The following COL25A1 variants were observed in gnomAD, a reference collection of about 807,000 sequenced individuals.
COL25A1 encodes collagen alpha-1(XXV) chain.
COL25A1 carries 103 observed loss-of-function variants against 128.4 expected under a neutral mutation model. That is an observed-to-expected ratio of 0.80 (90% CI 0.68 to 0.94). The LOEUF is 0.94. Ranked by LOEUF, COL25A1 falls within the 40% of genes least tolerant of loss-of-function variation. The pLI is 0.00. For missense variants in COL25A1, 745 were observed against 840.0 expected (o/e 0.89, Z 1.40); for synonymous variants, 279 against 277.2 (o/e 1.01, Z -0.06).
At chr4:108,829,132 A>G (rs1732748742) in intron 32 of COL25A1, among the ~76,000 whole-genome samples, 1 of 152,214 alleles carries the variant, frequency 6.6e-6, no homozygotes, top group African/African-American at 2.4e-5. Flanking sequence ...TAAGAAGGGA[A>G]TTTCCTTAAT....
chr4:109,149,617 A>T (rs1254918736), intron 3 of COL25A1, among the ~76,000 whole-genome samples: 1 of 152,226 alleles, frequency 6.6e-6, no homozygotes, highest in Admixed American at 6.5e-5. Flanking sequence ...TGCGACATGT[A>T]AACGAGTCTA....
intron 18 of COL25A1, among the ~76,000 whole-genome samples, chr4:108,886,551 AG>A (rs1740853919): frequency 1.3e-5 from 2 of 149,236 alleles, no homozygotes; most frequent in African/African-American, 2.5e-5. Context: ...AATGTGCCCC[AG>A]GGAAGACAAA....
intron 3 of COL25A1, among the ~76,000 whole-genome samples, chr4:109,201,283 T>A (rs2126181437): frequency 6.6e-6 from 1 of 152,284 alleles, no homozygotes; most frequent in African/African-American, 2.4e-5. Flanking sequence ...ATTAAAAGAA[T>A]TATACTCCAC....
At chr4:108,882,113 G>A (rs1002330939) in intron 19 of COL25A1, among the ~76,000 whole-genome samples, 5 of 152,074 alleles carry the variant, frequency 3.3e-5, no homozygotes, top group Non-Finnish European at 4.4e-5. Flanking sequence ...GTGGCAAATC[G>A]TTTAACATCC....
At chr4:109,006,623 G>A (rs1389428506) in intron 6 of COL25A1, among the ~76,000 whole-genome samples, 1 of 151,894 alleles carries the variant, frequency 6.6e-6, no homozygotes, top group Non-Finnish European at 1.5e-5. Context: ...TTAATGTACA[G>A]TTTATGCAAA....
At chr4:109,131,482 G>A (rs1197230262) in intron 3 of COL25A1, among the ~76,000 whole-genome samples, 1 of 152,144 alleles carries the variant, frequency 6.6e-6, no homozygotes. Context: ...ATCATCTTTG[G>A]TAGGATATGT....
intron 3 of COL25A1, among the ~76,000 whole-genome samples, chr4:109,123,792 C>T: frequency 6.6e-6 from 1 of 151,928 alleles, no homozygotes; most frequent in South Asian, 2.1e-4. Context: ...GGACATAGGC[C>T]TCGGTTCTAC....
chr4:109,241,133 CT>C (rs1487304976), intron 3 of COL25A1, among the ~76,000 whole-genome samples: 4 of 151,900 alleles, frequency 2.6e-5, no homozygotes, highest in Admixed American at 2.6e-4. Context: ...GAAAGGAAGC[CT>C]TTTCTGGGAT....
At chr4:109,031,405 C>T (rs1420130885) in intron 5 of COL25A1, among the ~76,000 whole-genome samples, 1 of 152,148 alleles carries the variant, frequency 6.6e-6, no homozygotes, top group African/African-American at 2.4e-5. Flanking sequence ...CGTGAGCCAC[C>T]GCGCCAGGCC....
intron 18 of COL25A1, among the ~76,000 whole-genome samples, chr4:108,886,447 T>TGA: frequency 3.9e-5 from 1 of 25,708 alleles, no homozygotes; most frequent in Admixed American, 4.9e-4. Context: ...AGATTTTGTG[T>TGA]GTGTGTGTGT....
Position 108,924,543 on chromosome 4 carries a change from T to C in COL25A1, c.709-3939A>G, listed in dbSNP as rs147516166. On this transcript the variant is annotated intron_variant, in intron 11 of 37. Coordinates refer to ENST00000399132, the MANE Select transcript of COL25A1 (RefSeq NM_198721.4). ...ACTCCTCCTACTTCAGTCCATCAGATACTTAAGAATATCTCTATGGTCCAG... is the reference window on the plus strand; with the variant it reads ...ACTCCTCCTACTTCAGTCCATCAGACACTTAAGAATATCTCTATGGTCCAG... 1.2e-3 allele frequency among the ~76,000 whole-genome samples: 188 copies of C among 152,278 alleles called. 2 individuals are homozygous for C. In the East Asian group the frequency reaches 0.017, roughly 14 times the overall value.
chr4:108,883,929 G>A (rs1334505488), intron 19 of COL25A1, among the ~76,000 whole-genome samples: 1 of 152,116 alleles, frequency 6.6e-6, no homozygotes, highest in Non-Finnish European at 1.5e-5. Context: ...CAAATGAAGG[G>A]ACATTTACAT....
intron 3 of COL25A1, among the ~76,000 whole-genome samples, chr4:109,204,101 A>C (rs1776791147): frequency 6.6e-6 from 1 of 152,212 alleles, no homozygotes; most frequent in Admixed American, 6.5e-5. Flanking sequence ...AATAACAGAA[A>C]CAGCAGCTAA....
At chr4:108,927,366 T>C (rs760021780) in intron 11 of COL25A1, among the ~76,000 whole-genome samples, 8 of 152,176 alleles carry the variant, frequency 5.3e-5, no homozygotes, top group Non-Finnish European at 8.8e-5. Context: ...GCCTAACACA[T>C]AAATAATTAT....
At chr4:108,964,404 C>T (rs1340065798) in intron 8 of COL25A1, among the ~76,000 whole-genome samples, 1 of 148,684 alleles carries the variant, frequency 6.7e-6, no homozygotes, top group African/African-American at 2.4e-5. Context: ...GCAAAATGTT[C>T]CTTCTTACTT....
intron 6 of COL25A1, among the ~76,000 whole-genome samples, chr4:108,984,967 A>G (rs765304437): frequency 1.3e-5 from 2 of 152,218 alleles, no homozygotes; most frequent in Non-Finnish European, 2.9e-5. Context: ...ACAACACAGG[A>G]TAAGGGTAAG....
chr4:108,947,631 G>A (rs1748931888), intron 8 of COL25A1, among the ~76,000 whole-genome samples: 1 of 152,072 alleles, frequency 6.6e-6, no homozygotes, highest in Non-Finnish European at 1.5e-5. Context: ...ATAGAAGCAG[G>A]AGGAATGGTA....
Position 109,041,030 on chromosome 4 carries a change from C to CT in COL25A1, c.420+7137dup, listed in dbSNP as rs369988016. On this transcript the variant is annotated intron_variant, in intron 5 of 37. Coordinates refer to ENST00000399132, the MANE Select transcript of COL25A1 (RefSeq NM_198721.4). ...AAACTGACTCTAAAAGTGTTAGTCACTTTTTTTCACAGAAGCATTGCTAAA... is the reference window on the plus strand; with the variant it reads ...AAACTGACTCTAAAAGTGTTAGTCACTTTTTTTTCACAGAAGCATTGCTAAA... Among the ~76,000 whole-genome samples the CT allele has an allele frequency of 2.0e-3, 305 of 152,100 alleles. 2 individuals are homozygous for CT. Among genetic ancestry groups the CT allele is most frequent in the African/African-American group, 7.2e-3 (297 of 41,538 alleles).
intron 11 of COL25A1, among the ~76,000 whole-genome samples, chr4:108,932,760 C>T (rs534982816): frequency 1.2e-4 from 19 of 152,100 alleles, no homozygotes; most frequent in Non-Finnish European, 1.2e-4. Context: ...GCAAGAACAT[C>T]GAAAGGAAAG....
Sources: gnomAD v4.1 joint callset for allele counts (sites outside exome capture counted in the v4.1 genomes callset) on GRCh38, gnomAD v4.1.1 for gene constraint, MANE v1.5 for transcripts, NCBI Gene and HGNC (gene_info 2026-07-23, HGNC 2026-07-21) for gene names.